The following SLC35F4 variants were observed in gnomAD, a reference collection of about 807,000 sequenced individuals.
SLC35F4 encodes solute carrier family 35 member F4, also known as chromosome 14 open reading frame 36.
Under a neutral mutation model 44.2 loss-of-function variants are expected in SLC35F4, and 24 were observed. The observed-to-expected ratio is 0.54, with a 90% CI of 0.39 to 0.76. The LOEUF is 0.76. Ranked by LOEUF, SLC35F4 falls within the 30% of genes least tolerant of loss-of-function variation. SLC35F4 has a pLI of 0.00. For synonymous variants in SLC35F4, 238 were observed against 223.6 expected, an observed-to-expected ratio of 1.06 and a Z score of -0.57; for missense variants, 562 against 586.1, an observed-to-expected ratio of 0.96 and a Z score of 0.42.
intron 1 of SLC35F4, chr14:57,630,525 CA>C: frequency 2.7e-6 from 3 of 1,127,136 alleles, no homozygotes; most frequent in Non-Finnish European, 4.0e-6. Flanking sequence ...AGAGGCACCT[CA>C]AAAATAGATT....
At chr14:57,827,803 CAAAAAA>C (rs5808943) in intron 1 of SLC35F4, among the ~76,000 whole-genome samples, 1 of 128,096 alleles carries the variant, frequency 7.8e-6, no homozygotes, top group African/African-American at 2.6e-5. Flanking sequence ...CCTTATTTTT[CAAAAAA>C]AAAAAAAACA....
intron 1 of SLC35F4, among the ~76,000 whole-genome samples, chr14:57,863,837 T>C (rs1022700774): frequency 1.3e-5 from 2 of 152,198 alleles, no homozygotes; most frequent in African/African-American, 4.8e-5. Flanking sequence ...CTCTTTTAAC[T>C]CTACGGTCTG....
At chr14:57,760,799 C>A (rs1051151061) in intron 1 of SLC35F4, among the ~76,000 whole-genome samples, 2 of 152,134 alleles carry the variant, frequency 1.3e-5, no homozygotes, top group Non-Finnish European at 2.9e-5. Context: ...ATTTCCAGTA[C>A]TGTGTGAGTC....
intron 1 of SLC35F4, among the ~76,000 whole-genome samples, chr14:57,611,599 C>CA (rs1002099620): frequency 2.5e-4 from 31 of 124,540 alleles, no homozygotes; most frequent in African/African-American, 5.7e-4. Flanking sequence ...AAAAAAAAAA[C>CA]AAAAAAAAGA....
intron 1 of SLC35F4, among the ~76,000 whole-genome samples, chr14:57,594,580 A>T (rs2070383940): frequency 6.6e-6 from 1 of 152,244 alleles, no homozygotes; most frequent in African/African-American, 2.4e-5. Context: ...AATGAACACT[A>T]GAAGATGGTA....
At chr14:57,920,761 T>G (rs964798082) in intron 1 of SLC35F4, among the ~76,000 whole-genome samples, 12 of 152,230 alleles carry the variant, frequency 7.9e-5, no homozygotes, top group Admixed American at 7.8e-4. Context: ...TAATGTATTC[T>G]AATTAGGTCT....
intron 1 of SLC35F4, among the ~76,000 whole-genome samples, chr14:57,714,834 G>C (rs1271802341): frequency 6.6e-6 from 1 of 152,212 alleles, no homozygotes; most frequent in Non-Finnish European, 1.5e-5. Flanking sequence ...ACAGGTGGCT[G>C]AGCAGAAGGA....
In SLC35F4 at chr14:57,780,481, A is replaced by G. The variant is rs530385066; in HGVS notation, c.103+85242T>C. Among the ~76,000 whole-genome samples, 250 of 152,334 alleles carry G rather than the reference A, an allele frequency of 1.6e-3. 2 individuals carry two copies. Among genetic ancestry groups the G allele is most frequent in the Middle Eastern group, 0.014 (4 of 294 alleles). ...AAACATTTCATGCTCACAGATAGAAAGAATCAATATTGTTAAAATGGCCAT... is the reference window on the plus strand; with the variant it reads ...AAACATTTCATGCTCACAGATAGAAGGAATCAATATTGTTAAAATGGCCAT... On this transcript the variant is annotated intron_variant, in intron 1 of 7. Coordinates refer to ENST00000556826, the MANE Select transcript of SLC35F4 (RefSeq NM_001306087.2).
chr14:57,885,135 A>G (rs1236224342), intron 1 of SLC35F4, among the ~76,000 whole-genome samples: 1 of 152,160 alleles, frequency 6.6e-6, no homozygotes, highest in Non-Finnish European at 1.5e-5. Flanking sequence ...AACACACTTT[A>G]CAATTCCTTT....
In SLC35F4 at chr14:57,690,232, G is replaced by A. The variant is rs1309804071; in HGVS notation, c.104-96108C>T. ...AGCTGTTTATTTGGCAAAAACTATT[G>A]AGCACCTACTGTGTGCTAGGTACTA... On this transcript the variant is annotated intron_variant, in intron 1 of 7. Transcript: ENST00000556826. Among the ~76,000 whole-genome samples the A allele has an allele frequency of 3.9e-5, 6 of 152,218 alleles. 1 individual carries two copies. The highest frequency in any genetic ancestry group is 1.9e-4 in the East Asian group (1 of 5,176).
chr14:57,952,654 T>C (rs1335764035), intron 1 of SLC35F4, among the ~76,000 whole-genome samples: 1 of 151,098 alleles, frequency 6.6e-6, no homozygotes, highest in African/African-American at 2.4e-5. Flanking sequence ...CAAATATCAA[T>C]AGCTGAATCA....
chr14:57,918,528 C>T (rs1412821796), intron 1 of SLC35F4, among the ~76,000 whole-genome samples: 1 of 152,154 alleles, frequency 6.6e-6, no homozygotes, highest in Non-Finnish European at 1.5e-5. Flanking sequence ...AAGCTTCTTA[C>T]ATGTCAGACC....
chr14:57,918,233 G>A (rs961099550), intron 1 of SLC35F4, among the ~76,000 whole-genome samples: 1 of 152,158 alleles, frequency 6.6e-6, no homozygotes, highest in Non-Finnish European at 1.5e-5. Context: ...CAACAGTGTA[G>A]GGGCCTTTCT....
chr14:57,841,381 T>G (rs1380011537), intron 1 of SLC35F4, among the ~76,000 whole-genome samples: 1 of 152,114 alleles, frequency 6.6e-6, no homozygotes, highest in Non-Finnish European at 1.5e-5. Flanking sequence ...AAAGCACCAG[T>G]CCCAGAGGTA....
intron 1 of SLC35F4, among the ~76,000 whole-genome samples, chr14:57,890,878 T>A (rs1430053149): frequency 6.6e-6 from 1 of 152,210 alleles, no homozygotes; most frequent in Non-Finnish European, 1.5e-5. Context: ...ATTGGCAAAC[T>A]CATTTTTTTC....
At chr14:57,632,809 C>A (rs143002781) in intron 1 of SLC35F4, among the ~76,000 whole-genome samples, 1 of 152,048 alleles carries the variant, frequency 6.6e-6, no homozygotes, top group African/African-American at 2.4e-5. Flanking sequence ...AAATTTATAA[C>A]GATATGTATC....
chr14:57,673,368 CAGCACTGTGG>C (rs1204571100), intron 1 of SLC35F4, among the ~76,000 whole-genome samples: 2 of 152,120 alleles, frequency 1.3e-5, no homozygotes, highest in South Asian at 4.1e-4. Flanking sequence ...TTCCCAACTC[CAGCACTGTGG>C]AGCTGTGTGC....
At chr14:57,597,643 AG>A (rs1488358564) in intron 1 of SLC35F4, among the ~76,000 whole-genome samples, 2 of 152,188 alleles carry the variant, frequency 1.3e-5, no homozygotes, top group African/African-American at 4.8e-5. Context: ...GCTCTGTGGA[AG>A]GTCACATCAA....
At chr14:57,769,916 G>T (rs2077322795) in intron 1 of SLC35F4, among the ~76,000 whole-genome samples, 1 of 152,168 alleles carries the variant, frequency 6.6e-6, no homozygotes, top group Non-Finnish European at 1.5e-5. Flanking sequence ...TTGAAAAAGA[G>T]TGGTCATATT....
Sources: gnomAD v4.1 joint callset for allele counts (sites outside exome capture counted in the v4.1 genomes callset) on GRCh38, gnomAD v4.1.1 for gene constraint, MANE v1.5 for transcripts, NCBI Gene and HGNC (gene_info 2026-07-23, HGNC 2026-07-21) for gene names.